Variants in TENM1 observed in about 807,000 individuals in gnomAD.
The protein encoded by TENM1 is teneurin-1.
In TENM1, 35 loss-of-function variants were observed where a neutral mutation model predicts 174.8. The ratio of observed to expected loss-of-function variants is 0.20; its 90% CI spans 0.15 to 0.27. TENM1 has a LOEUF of 0.27. Among genes scored for constraint, TENM1 ranks in the 10% least tolerant of loss-of-function variants. The probability of loss-of-function intolerance (pLI) is 1.00; values close to 1 mark genes in which losing one functional copy is unlikely to be tolerated. For synonymous variants in TENM1, 781 were observed against 798.7 expected (o/e 0.98, Z 0.37); for missense variants, 1,633 against 2,130.1 (o/e 0.77, Z 4.59).
At chrX:125,171,430 C>T in the TENM1 span, among the ~76,000 whole-genome samples, 6 of 110,574 alleles carry the variant, frequency 5.4e-5, no homozygotes, top group Non-Finnish European at 1.1e-4. Flanking sequence ...AGAGGAGGTG[C>T]TATGGTCTGA....
At chrX:124,568,913 T>C (rs1172019464) in intron 11 of TENM1, among the ~76,000 whole-genome samples, 1 of 111,647 alleles carries the variant, frequency 9.0e-6, no homozygotes, top group African/African-American at 3.3e-5. Context: ...CTAATACATT[T>C]CTAACATTGG....
intron 11 of TENM1, among the ~76,000 whole-genome samples, chrX:124,626,015 T>C (rs776371687): frequency 1.7e-3 from 191 of 111,125 alleles, no homozygotes; most frequent in African/African-American, 5.8e-3. Context: ...ACCATAAATA[T>C]ATACAATTTT....
the TENM1 span, among the ~76,000 whole-genome samples, chrX:125,133,236 C>T: frequency 4.5e-5 from 5 of 111,361 alleles, no homozygotes; most frequent in Admixed American, 3.8e-4. Context: ...CCTCGTTATC[C>T]GCCCACCTCA....
intron 6 of TENM1, among the ~76,000 whole-genome samples, chrX:124,665,443 T>TTA (rs375045831): frequency 8.9e-6 from 1 of 112,790 alleles, no homozygotes; most frequent in African/African-American, 3.2e-5. Context: ...GTGCAAGCTG[T>TTA]GTTATATACA....
chrX:124,602,093 T>C (rs2050041654), intron 11 of TENM1, among the ~76,000 whole-genome samples: 1 of 111,088 alleles, frequency 9.0e-6, no homozygotes, highest in Non-Finnish European at 1.9e-5. Context: ...AATCAGAACT[T>C]TGAAGTGCGG....
chrX:124,966,512 A>G (rs1330313256), upstream of TENM1, among the ~76,000 whole-genome samples: 1 of 108,860 alleles, frequency 9.2e-6, no homozygotes, highest in Non-Finnish European at 1.9e-5. Context: ...AATACAAAAA[A>G]TTAGCCGGGC....
chrX:124,526,136 G>A (rs766108076), intron 16 of TENM1, among the ~76,000 whole-genome samples: 3 of 111,368 alleles, frequency 2.7e-5, no homozygotes, highest in Admixed American at 9.6e-5. Flanking sequence ...GAGGTCTTTC[G>A]GAGATGTGGC....
At chrX:124,587,662 T>C (rs1310355032) in intron 11 of TENM1, among the ~76,000 whole-genome samples, 1 of 109,754 alleles carries the variant, frequency 9.1e-6, no homozygotes, top group Non-Finnish European at 1.9e-5. Flanking sequence ...CCAAAAGCAA[T>C]AGCAACAAAA....
intron 3 of TENM1, among the ~76,000 whole-genome samples, chrX:124,763,483 C>T (rs1041133401): frequency 1.8e-5 from 2 of 110,631 alleles, no homozygotes; most frequent in African/African-American, 3.3e-5. Flanking sequence ...CTCTCAAAAG[C>T]GCACACACAC....
intron 27 of TENM1, among the ~76,000 whole-genome samples, chrX:124,404,064 C>T (rs980326794): frequency 1.9e-4 from 21 of 111,857 alleles, no homozygotes; most frequent in African/African-American, 5.5e-4. Flanking sequence ...TCTGTAAGGG[C>T]GCACCCTTCT....
At chrX:125,025,481 G>A in the TENM1 span, among the ~76,000 whole-genome samples, 1 of 111,908 alleles carries the variant, frequency 8.9e-6, no homozygotes, top group South Asian at 3.7e-4. Context: ...TTTTAGAATA[G>A]AAACAGAAAA....
At chrX:124,685,240 A>G (rs1376188980) in intron 5 of TENM1, among the ~76,000 whole-genome samples, 1 of 112,070 alleles carries the variant, frequency 8.9e-6, no homozygotes, top group Non-Finnish European at 1.9e-5. Context: ...CAAAATAATT[A>G]ACTTAAAGAA....
chrX:124,941,861 G>A (rs2058331813), intron 1 of TENM1, among the ~76,000 whole-genome samples: 1 of 111,732 alleles, frequency 8.9e-6, no homozygotes, highest in Non-Finnish European at 1.9e-5. Flanking sequence ...CACGTGGCTG[G>A]GGAGGCCTCA....
At chrX:124,635,844 G>A (rs2050865497) in intron 11 of TENM1, among the ~76,000 whole-genome samples, 1 of 112,186 alleles carries the variant, frequency 8.9e-6, no homozygotes, top group Non-Finnish European at 1.9e-5. Context: ...ATGTTTTAAG[G>A]GAGCATGATT....
At chrX:124,420,680 A>G in exon 25 of TENM1, 1 of 1,211,667 alleles carries the variant, frequency 8.3e-7, no homozygotes, top group Non-Finnish European at 1.1e-6. Context: ...ATAAATGTTC[A>G]TGTCATTCAG....
exon 32 of TENM1, chrX:124,378,408 G>T (rs1250770688): frequency 8.9e-6 from 1 of 112,231 alleles, no homozygotes; most frequent in Non-Finnish European, 1.9e-5. Flanking sequence ...TAATTTAAAA[G>T]AACATCAGAG....
At chrX:124,882,154 T>C (rs1307371326) in intron 3 of TENM1, among the ~76,000 whole-genome samples, 1 of 112,722 alleles carries the variant, frequency 8.9e-6, no homozygotes. Flanking sequence ...TCCATATATT[T>C]GTACAATTTC....
At chrX:124,774,554 G>A (rs1467322388) in intron 3 of TENM1, among the ~76,000 whole-genome samples, 2 of 111,558 alleles carry the variant, frequency 1.8e-5, no homozygotes, top group African/African-American at 6.5e-5. Context: ...AGCATGACCC[G>A]TCAGTAGGAA....
At chrX:124,498,331 C>G (rs2047248771) in intron 19 of TENM1, among the ~76,000 whole-genome samples, 2 of 111,214 alleles carry the variant, frequency 1.8e-5, no homozygotes, top group African/African-American at 6.5e-5. Flanking sequence ...CCATGCATAT[C>G]CATTTCCAGA....
Sources: allele counts gnomAD v4.1 joint callset (sites outside exome capture counted in the v4.1 genomes callset), GRCh38; gene constraint gnomAD v4.1.1; transcripts MANE v1.5; gene names NCBI Gene and HGNC (gene_info 2026-07-23, HGNC 2026-07-21).